GPR39: variants seen among roughly 807,000 people sequenced by gnomAD.
GPR39 encodes zinc sensing receptor.
GPR39 carries 23 observed loss-of-function variants against 18.4 expected under a neutral mutation model. The observed-to-expected ratio is 1.25, with a 90% confidence interval of 0.90 to 1.77. The LOEUF (loss-of-function observed/expected upper bound fraction) is 1.77, where lower values mean the gene tolerates loss of function less well. Ranked by LOEUF, GPR39 falls within the 40% of genes most tolerant of loss-of-function variation. The pLI is 0.00. For missense variants in GPR39, 647 were observed against 602.4 expected (o/e 1.07, Z -0.78); for synonymous variants, 280 against 257.9 (o/e 1.09, Z -0.82).
intron 1 of GPR39, among the ~76,000 whole-genome samples, chr2:132,493,410 CTATA>C (rs1388692991): frequency 1.4e-5 from 2 of 144,688 alleles, no homozygotes; most frequent in South Asian, 2.1e-4. Context: ...TATATATACA[CTATA>C]TATACACACG....
intron 1 of GPR39, among the ~76,000 whole-genome samples, chr2:132,472,949 T>A (rs1419034250): frequency 6.6e-6 from 1 of 152,038 alleles, no homozygotes; most frequent in African/African-American, 2.4e-5. Flanking sequence ...GTCTCATATT[T>A]GAGCTTGCCC....
intron 1 of GPR39, among the ~76,000 whole-genome samples, chr2:132,592,056 G>C (rs967358558): frequency 6.6e-6 from 1 of 152,196 alleles, no homozygotes; most frequent in South Asian, 2.1e-4. Flanking sequence ...GCAATAAATA[G>C]TTATTGAGAA....
intron 1 of GPR39, among the ~76,000 whole-genome samples, chr2:132,595,681 A>C (rs1037297535): frequency 6.6e-6 from 1 of 152,126 alleles, no homozygotes; most frequent in African/African-American, 2.4e-5. Flanking sequence ...AGTATCCAGA[A>C]GCATTTACCC....
chr2:132,452,916 TTGTA>T (rs1475386192), intron 1 of GPR39, among the ~76,000 whole-genome samples: 1 of 152,230 alleles, frequency 6.6e-6, no homozygotes, highest in Non-Finnish European at 1.5e-5. Context: ...GTCTTTGCTA[TTGTA>T]AATAGTGCTG....
At chr2:132,621,258 G>A (rs1681436270) in intron 1 of GPR39, among the ~76,000 whole-genome samples, 1 of 152,166 alleles carries the variant, frequency 6.6e-6, no homozygotes, top group African/African-American at 2.4e-5. Flanking sequence ...ACGGGTCCCT[G>A]AACTCAGGTG....
At chr2:132,616,385 A>C (rs1681335503) in intron 1 of GPR39, among the ~76,000 whole-genome samples, 1 of 152,212 alleles carries the variant, frequency 6.6e-6, no homozygotes, top group African/African-American at 2.4e-5. Context: ...GACACCTGTC[A>C]CCATGCAAGG....
chr2:132,483,181 C>G (rs1313373162), intron 1 of GPR39, among the ~76,000 whole-genome samples: 1 of 152,218 alleles, frequency 6.6e-6, no homozygotes, highest in Non-Finnish European at 1.5e-5. Context: ...CAGAACAGTA[C>G]TAGACATATA....
At chr2:132,526,235 G>A (rs1679505999) in intron 1 of GPR39, among the ~76,000 whole-genome samples, 1 of 152,192 alleles carries the variant, frequency 6.6e-6, no homozygotes, top group Non-Finnish European at 1.5e-5. Flanking sequence ...TAGATGCACT[G>A]TATCACCTTA....
intron 1 of GPR39, among the ~76,000 whole-genome samples, chr2:132,613,905 T>C (rs1484829841): frequency 6.6e-6 from 1 of 152,202 alleles, no homozygotes; most frequent in Non-Finnish European, 1.5e-5. Context: ...TAATAGACAG[T>C]TAACAAAAGT....
chr2:132,416,939 T>C lies in GPR39; in HGVS notation c.-104T>C. ...GGAGAACTCGAGTGAGATAAAATCG[T>C]GCGCCCACGCAGGTGAGTTTGCAGC... On this transcript the variant is annotated 5_prime_UTR_variant, in exon 1 of 2. Transcript: ENST00000329321. 1 of 1,370,042 alleles carries C rather than the reference T, an allele frequency of 7.3e-7. No individual in the cohort carries two copies. Among genetic ancestry groups the C allele is most frequent in the Non-Finnish European group, 1.0e-6 (1 of 1,001,260 alleles). 84.9% of individuals were successfully genotyped at this position (1,370,042 alleles called of 1,614,324 possible).
chr2:132,532,683 G>A (rs1679663520), intron 1 of GPR39, among the ~76,000 whole-genome samples: 1 of 152,220 alleles, frequency 6.6e-6, no homozygotes, highest in South Asian at 2.1e-4. Flanking sequence ...ATGCAAGGCT[G>A]TTTCAACATA....
At chr2:132,509,542 A>G (rs1267262025) in intron 1 of GPR39, among the ~76,000 whole-genome samples, 1 of 152,330 alleles carries the variant, frequency 6.6e-6, no homozygotes, top group Non-Finnish European at 1.5e-5. Flanking sequence ...ACATACTTAT[A>G]AGTAGTATTT....
At chr2:132,506,161 A>T (rs376981196) in intron 1 of GPR39, among the ~76,000 whole-genome samples, 9 of 150,794 alleles carry the variant, frequency 6.0e-5, no homozygotes, top group African/African-American at 7.3e-5. Flanking sequence ...AATGCTGAGC[A>T]TTTTTTTTTC....
chr2:132,517,851 G>A (rs1190518828), intron 1 of GPR39, among the ~76,000 whole-genome samples: 1 of 152,112 alleles, frequency 6.6e-6, no homozygotes, highest in Non-Finnish European at 1.5e-5. Context: ...CTTTATCTTT[G>A]AACAAGTACC....
chr2:132,464,019 G>C (rs1026851291), intron 1 of GPR39, among the ~76,000 whole-genome samples: 2 of 152,188 alleles, frequency 1.3e-5, no homozygotes, highest in Admixed American at 1.3e-4. Flanking sequence ...TCAGTCCTAG[G>C]TTCTGAAACT....
At chr2:132,589,410 C>T (rs1368869844) in intron 1 of GPR39, among the ~76,000 whole-genome samples, 2 of 152,228 alleles carry the variant, frequency 1.3e-5, no homozygotes, top group South Asian at 2.1e-4. Flanking sequence ...TTTCCATGTG[C>T]ATAACTTCTA....
intron 1 of GPR39, among the ~76,000 whole-genome samples, chr2:132,490,578 A>G (rs1195970791): frequency 6.6e-6 from 1 of 151,984 alleles, no homozygotes; most frequent in Non-Finnish European, 1.5e-5. Context: ...CAGTACCTAG[A>G]GCATGCCGAT....
Position 132,417,294 on chromosome 2 carries a change from C to T in GPR39, c.252C>T (p.Leu84=). 6.2e-7 allele frequency: 1 copy of T among 1,614,202 alleles called. No individual in the cohort carries two copies. The highest frequency in any genetic ancestry group is 1.1e-5 in the South Asian group (1 of 91,074). The part of the protein sequence containing the change: ...SLACSDILVF[L]IGMPMEFYSI... The stretch of plus-strand genomic sequence containing the variant: ...CTTGCTCGGACATCTTGGTGTTCCT[C>T]ATCGGCATGCCCATGGAGTTCTACA... Residue 84 remains leucine, a synonymous_variant, in exon 1 of 2, where the codon CTC becomes CTT. Coordinates refer to ENST00000329321, the MANE Select transcript of GPR39 (RefSeq NM_001508.3).
Position 132,416,984 on chromosome 2 carries a change from T to C in GPR39, c.-59T>C, listed in dbSNP as rs1679912455. 1.3e-6 allele frequency: 2 copies of C among 1,579,454 alleles called. No homozygotes were observed. The highest frequency in any genetic ancestry group is 1.7e-6 in the Non-Finnish European group (2 of 1,162,236). On this transcript the variant is annotated 5_prime_UTR_variant, in exon 1 of 2. Transcript: ENST00000329321. ...TGCAGCCAAGAATTTTGGACGCTGCTGGGAGGAGAAAGGGAAGTTGAGAAA... is the reference window on the plus strand; with the variant it reads ...TGCAGCCAAGAATTTTGGACGCTGCCGGGAGGAGAAAGGGAAGTTGAGAAA...
Sources: gnomAD v4.1 joint callset for allele counts (sites outside exome capture counted in the v4.1 genomes callset) on GRCh38, gnomAD v4.1.1 for gene constraint, MANE v1.5 for transcripts, NCBI Gene and HGNC (gene_info 2026-07-23, HGNC 2026-07-21) for gene names.